RMDN2: variants seen among roughly 807,000 people sequenced by gnomAD.
The protein encoded by RMDN2 is regulator of microtubule dynamics 2.
In RMDN2, 61 loss-of-function variants were observed where a neutral mutation model predicts 52.8. That is an observed-to-expected ratio of 1.16 (90% confidence interval 0.94 to 1.43). RMDN2 has a LOEUF of 1.43. Among genes scored for constraint, RMDN2 ranks in the 40% most tolerant of loss-of-function variants. The probability of loss-of-function intolerance (pLI) is 0.00; values close to 1 mark genes in which losing one functional copy is unlikely to be tolerated. For missense variants in RMDN2, 592 were observed against 475.3 expected (o/e 1.25, Z -2.28); for synonymous variants, 180 against 153.1 (o/e 1.18, Z -1.30).
At chr2:37,933,640 C>T (rs958380525) in intron 2 of RMDN2, among the ~76,000 whole-genome samples, 6 of 152,226 alleles carry the variant, frequency 3.9e-5, no homozygotes, top group African/African-American at 1.2e-4. Flanking sequence ...GGCGTGGCGG[C>T]GTGCGCCTGC....
intron 10 of RMDN2, among the ~76,000 whole-genome samples, chr2:38,009,018 T>G (rs1453028220): frequency 6.6e-6 from 1 of 152,232 alleles, no homozygotes; most frequent in Non-Finnish European, 1.5e-5. Context: ...TCTTTAAGAA[T>G]GTGGAATATT....
chr2:38,015,585 A>G (rs955766488), intron 10 of RMDN2, among the ~76,000 whole-genome samples: 2 of 152,124 alleles, frequency 1.3e-5, no homozygotes, highest in African/African-American at 4.8e-5. Flanking sequence ...AAAAGAAAAA[A>G]AAGGAAATGT....
At chr2:38,066,329 C>CA (rs1682279338) in intron 10 of RMDN2, among the ~76,000 whole-genome samples, 1 of 152,222 alleles carries the variant, frequency 6.6e-6, no homozygotes, top group Admixed American at 6.5e-5. Flanking sequence ...AGAGGTGCTA[C>CA]AAGCATGAGC....
intron 10 of RMDN2, among the ~76,000 whole-genome samples, chr2:38,037,775 C>G (rs912849106): frequency 6.6e-6 from 1 of 152,206 alleles, no homozygotes; most frequent in Admixed American, 6.5e-5. Context: ...AAGGATACTG[C>G]GTGAGCTTTA....
chr2:37,993,468 C>T (rs116744033), intron 7 of RMDN2, among the ~76,000 whole-genome samples: 2,348 of 151,044 alleles, frequency 0.016, 74 homozygotes, highest in African/African-American at 0.054. Context: ...GTGTGTTAGT[C>T]TGAAGTGTGT....
chr2:37,973,742 A>G (rs1413792892), intron 2 of RMDN2, among the ~76,000 whole-genome samples: 1 of 152,118 alleles, frequency 6.6e-6, no homozygotes, highest in African/African-American at 2.4e-5. Flanking sequence ...GGGAACAGCA[A>G]GTGGAGGTTC....
intron 4 of RMDN2, among the ~76,000 whole-genome samples, chr2:37,977,590 T>A (rs1399112118): frequency 6.7e-6 from 1 of 148,378 alleles, no homozygotes; most frequent in Admixed American, 6.7e-5. Flanking sequence ...GCGGAGGGGC[T>A]CCTCACTTCT....
At position 37,989,598 on chromosome 2, in the gene RMDN2, C is replaced by G. The variant is rs1475278754; in HGVS notation, c.849C>G (p.Asn283Lys). Reference protein sequence around the residue: ...SEFEGLQNKINYGHLFKEHLD... With the variant: ...SEFEGLQNKIKYGHLFKEHLD... ...TTGAGGGTTTACAAAACAAAATCAA[C>G]TATGGGCACCTCTTCAAGGTATTTC... The change falls in exon 6 of 11, where the codon AAC becomes AAG. Residue 283 changes from asparagine to lysine, a missense_variant. Transcript: ENST00000354545. 6.2e-7 allele frequency: 1 copy of G among 1,604,510 alleles called. No individual in the cohort carries two copies. Among genetic ancestry groups the G allele is most frequent in the Non-Finnish European group, 8.5e-7 (1 of 1,175,348 alleles).
chr2:38,050,909 G>T (rs1360134342), intron 10 of RMDN2, among the ~76,000 whole-genome samples: 1 of 152,122 alleles, frequency 6.6e-6, no homozygotes, highest in Non-Finnish European at 1.5e-5. Context: ...TTACAGCTGT[G>T]CATTACTACG....
At chr2:37,967,636 T>A (rs943596147) in intron 2 of RMDN2, among the ~76,000 whole-genome samples, 2 of 152,190 alleles carry the variant, frequency 1.3e-5, no homozygotes, top group Admixed American at 1.3e-4. Flanking sequence ...AGTAGGAAAA[T>A]TCTGGGGAAA....
chr2:37,977,693 C>T (rs1424530694), intron 4 of RMDN2, among the ~76,000 whole-genome samples: 7 of 151,908 alleles, frequency 4.6e-5, no homozygotes, highest in African/African-American at 9.7e-5. Flanking sequence ...GGGTCGCGGC[C>T]GGGTAGAGGC....
intron 2 of RMDN2, among the ~76,000 whole-genome samples, chr2:37,963,911 C>A (rs1033151645): frequency 2.0e-5 from 3 of 151,368 alleles, no homozygotes; most frequent in Admixed American, 1.3e-4. Flanking sequence ...GGCGCCCCCC[C>A]ACCTCCCGGA....
intron 2 of RMDN2, among the ~76,000 whole-genome samples, chr2:37,947,657 T>C (rs568396262): frequency 6.6e-6 from 1 of 152,298 alleles, no homozygotes; most frequent in South Asian, 2.1e-4. Flanking sequence ...ACAACTAAAT[T>C]AATGTAATGA....
At chr2:38,050,922 C>T (rs1174204450) in intron 10 of RMDN2, among the ~76,000 whole-genome samples, 3 of 152,210 alleles carry the variant, frequency 2.0e-5, no homozygotes, top group South Asian at 2.1e-4. Context: ...TTACTACGCC[C>T]GGCTAATTTT....
intron 2 of RMDN2, among the ~76,000 whole-genome samples, chr2:37,966,749 G>A (rs1289738901): frequency 1.3e-5 from 2 of 151,790 alleles, no homozygotes; most frequent in African/African-American, 4.8e-5. Flanking sequence ...CATATGAGAG[G>A]GTCTTCAAAA....
At chr2:37,965,869 T>A (rs1264030084) in intron 2 of RMDN2, among the ~76,000 whole-genome samples, 2 of 152,136 alleles carry the variant, frequency 1.3e-5, no homozygotes, top group African/African-American at 4.8e-5. Context: ...TGAAGGACAG[T>A]TTTGCTGTTT....
Position 37,989,622 on chromosome 2 carries a change from TC to T in RMDN2, c.867+7del. 6.4e-7 allele frequency: 1 copy of T among 1,559,256 alleles called. No homozygotes were observed. The highest frequency in any genetic ancestry group is 8.8e-7 in the Non-Finnish European group (1 of 1,141,284). The stretch of plus-strand genomic sequence containing the variant: ...ACTATGGGCACCTCTTCAAGGTATT[TC>T]TTTTTTTTTTTTCATATTTCTTTTC... On this transcript the variant is annotated splice_region_variant and intron_variant, in intron 6 of 10. Transcript: ENST00000354545.
intron 5 of RMDN2, among the ~76,000 whole-genome samples, chr2:37,983,845 T>C (rs765394091): frequency 1.1e-4 from 16 of 152,224 alleles, no homozygotes; most frequent in Non-Finnish European, 1.2e-4. Context: ...TCATTCAGCA[T>C]GAATGACAAA....
downstream of RMDN2, among the ~76,000 whole-genome samples, chr2:38,022,124 TACTC>T (rs1364943478): frequency 6.6e-6 from 1 of 152,218 alleles, no homozygotes; most frequent in Non-Finnish European, 1.5e-5. Flanking sequence ...TAGTCTTAGT[TACTC>T]ACAACGGATA....
Sources: gnomAD v4.1 joint callset for allele counts (sites outside exome capture counted in the v4.1 genomes callset) on GRCh38, gnomAD v4.1.1 for gene constraint, MANE v1.5 for transcripts, NCBI Gene and HGNC (gene_info 2026-07-23, HGNC 2026-07-21) for gene names.